Variants in UBR4 observed in about 807,000 individuals in gnomAD.
UBR4 encodes ubiquitin protein ligase E3 component n-recognin 4.
UBR4 carries 124 observed loss-of-function variants against 575.6 expected under a neutral mutation model. The ratio of observed to expected loss-of-function variants is 0.22; its 90% CI spans 0.19 to 0.25. The LOEUF (loss-of-function observed/expected upper bound fraction) is 0.25. Among genes scored for constraint, UBR4 ranks in the 10% least tolerant of loss-of-function variants. The pLI is 1.00. For missense variants in UBR4, 4,818 were observed against 6,478.8 expected (o/e 0.74, Z 8.80); for synonymous variants, 2,455 against 2,473.7 (o/e 0.99, Z 0.22).
chr1:19,151,522 G>GA (rs767918435), intron 48 of UBR4, 121 bp downstream of exon 48: 1 of 1,094,328 alleles, frequency 9.1e-7, no homozygotes, highest in African/African-American at 1.6e-5. Context: ...GTTTCCTGAT[G>GA]AAAGGACAGA....
rs2083541403 is a variant in UBR4, at chr1:19,139,165, C to A, written c.8649G>T (p.Arg2883=). 1.9e-6 allele frequency: 3 copies of A among 1,613,896 alleles called. No homozygotes were observed. Among genetic ancestry groups the A allele is most frequent in the African/African-American group, 1.3e-5 (1 of 74,892 alleles). The change falls in exon 59 of 106, where the codon CGG becomes CGT. Residue 2883 remains arginine (R), a synonymous_variant. Transcript: ENST00000375254. This position sits in a 1 kb window ranked among gnomAD's most constrained non-coding sequence, Gnocchi z 4.2. The part of the protein sequence containing the change: ...STAATDGSTL[R]TSPADHGGSV... ...TACCACCGTGGTCAGCAGGAGAGGTCCGAAGGGTAGAACCATCTGTCGCTG... is the reference window on the plus strand; with the variant it reads ...TACCACCGTGGTCAGCAGGAGAGGTACGAAGGGTAGAACCATCTGTCGCTG...
chr1:19,118,806 C>A, intron 71 of UBR4, 66 bp downstream of exon 71: 2 of 1,520,316 alleles, frequency 1.3e-6, no homozygotes, highest in Non-Finnish European at 1.8e-6. Flanking sequence ...GAGCCTATCA[C>A]CATGCAAATA....
chr1:19,118,761 G>A (rs527715631), intron 71 of UBR4, 111 bp downstream of exon 71: 44 of 1,070,864 alleles, frequency 4.1e-5, no homozygotes, highest in Middle Eastern at 4.1e-4. Flanking sequence ...AGGCAGATTC[G>A]CTCTTCTCTC....
In UBR4 at chr1:19,104,048, C is replaced by G. The variant is rs774836865; in HGVS notation, c.12901+36G>C. The G allele has an allele frequency of 5.6e-6, 9 of 1,606,648 alleles. No individual in the cohort carries two copies. The South Asian group carries it at 9.9e-5, about 18-fold the overall frequency. On this transcript the variant is annotated intron_variant, in intron 87 of 105. Coordinates refer to ENST00000375254, the MANE Select transcript of UBR4 (RefSeq NM_020765.3). ...TGCACCTCGGCAGCCCCAGAAGGGA[C>G]AGTGCCTTAGGCTCCAGGCCACTGG...
intron 50 of UBR4, 68 bp downstream of exon 50, chr1:19,148,495 C>A: frequency 1.3e-6 from 2 of 1,586,758 alleles, no homozygotes; most frequent in South Asian, 2.2e-5. Context: ...GGCCTCAGGG[C>A]CTCGGGCAAC....
chr1:19,149,208 A>G (rs1484032784), intron 49 of UBR4, among the ~76,000 whole-genome samples: 1 of 152,202 alleles, frequency 6.6e-6, no homozygotes, highest in Non-Finnish European at 1.5e-5. Context: ...AAACCCAACT[A>G]TTACTATTAA....
chr1:19,150,183 C>T (rs776656895), intron 49 of UBR4, among the ~76,000 whole-genome samples: 9 of 152,092 alleles, frequency 5.9e-5, no homozygotes, highest in African/African-American at 1.9e-4. Flanking sequence ...GAAGTAGCTA[C>T]GCAGAGAAAG....
intron 87 of UBR4, among the ~76,000 whole-genome samples, chr1:19,102,600 T>C (rs1215785764): frequency 6.6e-6 from 1 of 151,992 alleles, no homozygotes; most frequent in South Asian, 2.1e-4. Context: ...ACTGCCACAC[T>C]AACACAGAAC....
intron 90 of UBR4, among the ~76,000 whole-genome samples, chr1:19,098,685 G>A (rs1444912293): frequency 1.3e-5 from 2 of 152,194 alleles, no homozygotes; most frequent in Admixed American, 6.5e-5. Context: ...CAGTAAGCAG[G>A]ATTCCCAGCC....
rs1345771033 is a variant in UBR4, at chr1:19,126,389, A to C, written c.9438+57T>G. On this transcript the variant is annotated intron_variant, in intron 64 of 105. Coordinates refer to ENST00000375254, the MANE Select transcript of UBR4 (RefSeq NM_020765.3). ...CTTGAGCTCTCTGCACCGCGAGGAA[A>C]GAGAAGAGTGCTCTGAACAAAGGAC... is the stretch of plus-strand genomic sequence containing the variant. 13 of 1,604,520 alleles carry C rather than the reference A, an allele frequency of 8.1e-6. 1 individual carries two copies. The highest frequency in any genetic ancestry group is 4.4e-5 in the South Asian group (4 of 90,792).
At chr1:19,118,480 C>T (rs1192864163) in intron 71 of UBR4, 1 of 170,808 alleles carries the variant, frequency 5.9e-6, no homozygotes, top group African/African-American at 2.6e-5. Flanking sequence ...AGTGCAGTGG[C>T]GTGGATCACA....
intron 103 of UBR4, 36 bp from the exon 104 acceptor site, chr1:19,078,102 C>G (rs1172484571): frequency 2.5e-6 from 4 of 1,602,466 alleles, no homozygotes; most frequent in Middle Eastern, 1.7e-4. Flanking sequence ...ACATGAAGTC[C>G]CTAGGAGGAT....
intron 81 of UBR4, among the ~76,000 whole-genome samples, chr1:19,109,430 CA>C (rs1159116075): frequency 6.6e-6 from 1 of 152,218 alleles, no homozygotes; most frequent in Non-Finnish European, 1.5e-5. Context: ...TAAGATGGTC[CA>C]GTTCCTGGAA....
chr1:19,167,881 T>C lies in UBR4; in HGVS notation c.3899+146A>G, dbSNP rs1218702480. 1.2e-5 allele frequency: 10 copies of C among 822,788 alleles called. No individual in the cohort carries two copies. In the East Asian group the frequency reaches 1.4e-4, roughly 12 times the overall value. The allele number at this position is 822,788 out of a possible 1,614,324, so 51.0% of individuals were successfully genotyped here. On this transcript the variant is annotated intron_variant, in intron 28 of 105. Transcript: ENST00000375254. The stretch of plus-strand genomic sequence containing the variant: ...AAGTTAAAAAATCATTCTAGGTAAG[T>C]GCTTATACTTTAAAGCAACAGGTTC...
In UBR4 at chr1:19,178,017, C is replaced by A. The variant is rs192065020; in HGVS notation, c.2355-274G>T. 3.4e-3 allele frequency among the ~76,000 whole-genome samples: 511 copies of A among 152,190 alleles called. 4 individuals are homozygous for A. The highest frequency in any genetic ancestry group is 6.8e-3 in the Middle Eastern group (2 of 294). On this transcript the variant is annotated intron_variant, in intron 18 of 105. Transcript: ENST00000375254. ...TGCTTGAGGCAAGCCTTAACACAGG[C>A]GTGTTAATGCCCACCCTGTCATTTG...
Position 19,198,011 on chromosome 1 carries a change from T to C in UBR4, c.687A>G (p.Gln229=). Residue 229 remains glutamine, a synonymous_variant, in exon 6 of 106, where the codon CAA becomes CAG. Coordinates refer to ENST00000375254, the MANE Select transcript of UBR4 (RefSeq NM_020765.3). The stretch of plus-strand genomic sequence containing the variant: ...CATTCTTGGTTTTGATAGCTGAGGC[T>C]TGATCTGTAGATGACTGCTCATCAT... ...GENDEQSSTD[Q]ASAIKTKNVF... 6.2e-7 allele frequency: 1 copy of C among 1,614,118 alleles called. No homozygotes were observed. The highest frequency in any genetic ancestry group is 8.5e-7 in the Non-Finnish European group (1 of 1,180,044).
intron 73 of UBR4, among the ~76,000 whole-genome samples, chr1:19,116,366 C>T (rs1005215678): frequency 1.9e-4 from 29 of 152,204 alleles, no homozygotes; most frequent in Admixed American, 1.9e-3. Flanking sequence ...AAACCCACCT[C>T]CTCTGGAGGG....
At chr1:19,165,142 C>A in intron 31 of UBR4, 107 bp downstream of exon 31, 1 of 1,469,234 alleles carries the variant, frequency 6.8e-7, no homozygotes, top group Non-Finnish European at 9.4e-7. Context: ...GGATTCTCTC[C>A]ACTCGTTAGC....
rs887208403 is a variant in UBR4, at chr1:19,174,231, A to C, written c.2982+88T>G. 9.9e-6 allele frequency: 15 copies of C among 1,516,482 alleles called. No individual in the cohort carries two copies. In the African/African-American group the frequency reaches 2.1e-4, roughly 21 times the overall value. 93.9% of individuals were successfully genotyped at this position (1,516,482 alleles called of 1,614,324 possible). A position where few individuals can be genotyped will look rare whatever the true frequency, so the allele number is the denominator to read the frequency against. On this transcript the variant is annotated intron_variant, in intron 22 of 105. Coordinates refer to ENST00000375254, the MANE Select transcript of UBR4 (RefSeq NM_020765.3). ...AGTTTTGCAAATCAATATTCAATAAACTGGTTACATTTCAGAAGGAAATTT... is the reference window on the plus strand; with the variant it reads ...AGTTTTGCAAATCAATATTCAATAACCTGGTTACATTTCAGAAGGAAATTT...
Sources: allele counts gnomAD v4.1 joint callset (sites outside exome capture counted in the v4.1 genomes callset), GRCh38; gene constraint gnomAD v4.1.1; non-coding constraint Gnocchi (gnomAD v3.1); transcripts MANE v1.5; gene names NCBI Gene and HGNC (gene_info 2026-07-23, HGNC 2026-07-21).